Variants in SNCAIP observed in about 807,000 individuals in gnomAD.
SNCAIP encodes synuclein alpha interacting protein, also known as synphilin-1.
Under a neutral mutation model 86.7 loss-of-function variants are expected in SNCAIP, and 43 were observed. That is an observed-to-expected ratio of 0.50 (90% CI 0.39 to 0.64). The LOEUF (loss-of-function observed/expected upper bound fraction) is 0.64. Among genes scored for constraint, SNCAIP ranks in the 30% least tolerant of loss-of-function variants. SNCAIP has a pLI of 0.00. For synonymous variants in SNCAIP, 417 were observed against 427.2 expected (o/e 0.98, Z 0.29); for missense variants, 981 against 1,103.1 (o/e 0.89, Z 1.57).
chr5:122,393,741 G>A (rs1019952802), intron 2 of SNCAIP, among the ~76,000 whole-genome samples: 2 of 152,180 alleles, frequency 1.3e-5, no homozygotes, highest in Admixed American at 1.3e-4. Context: ...AGAAATCCTA[G>A]TCTATTTAAA....
At chr5:122,403,942 C>T (rs373137392) in intron 3 of SNCAIP, 77 bp downstream of exon 3, 6 of 1,023,794 alleles carry the variant, frequency 5.9e-6, no homozygotes, top group Non-Finnish European at 9.3e-6. Context: ...TTTCCTCACA[C>T]TGGTCCCCCC....
intron 1 of SNCAIP, among the ~76,000 whole-genome samples, chr5:122,358,633 C>T (rs1313624752): frequency 6.6e-6 from 1 of 152,012 alleles, no homozygotes; most frequent in Non-Finnish European, 1.5e-5. Flanking sequence ...CTTACAGTTA[C>T]CAAAGTTAGA....
At chr5:122,320,679 G>C (rs1179403746) in intron 1 of SNCAIP, among the ~76,000 whole-genome samples, 1 of 152,144 alleles carries the variant, frequency 6.6e-6, no homozygotes. Flanking sequence ...GAGTCAGGGG[G>C]ATATGCAGGC....
chr5:122,334,353 A>G (rs13355902), intron 1 of SNCAIP, among the ~76,000 whole-genome samples: 41,140 of 151,942 alleles, frequency 0.27, 6,638 homozygotes, highest in African/African-American at 0.46. Context: ...CTGAGATCTG[A>G]ACCCTGGGAA....
chr5:122,377,749 C>T (rs1230781864), intron 1 of SNCAIP, among the ~76,000 whole-genome samples: 1 of 138,722 alleles, frequency 7.2e-6, no homozygotes, highest in Non-Finnish European at 1.5e-5. Flanking sequence ...CCCATGTGAT[C>T]TCATTGTTCA....
At chr5:122,339,152 T>C (rs1757076676) in intron 1 of SNCAIP, among the ~76,000 whole-genome samples, 1 of 152,176 alleles carries the variant, frequency 6.6e-6, no homozygotes, top group Non-Finnish European at 1.5e-5. Context: ...TCTCCACAGC[T>C]TCTGACTTTC....
chr5:122,359,438 A>T (rs778923700), intron 1 of SNCAIP, among the ~76,000 whole-genome samples: 25 of 151,592 alleles, frequency 1.6e-4, no homozygotes, highest in Admixed American at 9.2e-4. Flanking sequence ...ATACCAGCTC[A>T]CTGGAACCTC....
rs967847162 is a variant in SNCAIP, at chr5:122,421,929, A to C, written c.131-939A>C. Among the ~76,000 whole-genome samples the C allele has an allele frequency of 2.0e-5, 3 of 150,204 alleles. No homozygotes were observed. The East Asian group carries it at 5.9e-4, about 30-fold the overall frequency. The stretch of plus-strand genomic sequence containing the variant: ...ACCTCCAGGTGTGTCTGGCTGTTTC[A>C]CTTTCTACTCTATCGCAACCAGACA... On this transcript the variant is annotated intron_variant, in intron 3 of 10. Transcript: ENST00000261368.
intron 6 of SNCAIP, chr5:122,436,718 CTT>C (rs1779571010): frequency 6.6e-6 from 1 of 152,124 alleles, no homozygotes; most frequent in Non-Finnish European, 1.5e-5. Flanking sequence ...ACTATAGAGA[CTT>C]TATTGATACC....
intron 1 of SNCAIP, among the ~76,000 whole-genome samples, chr5:122,360,362 C>G (rs1275134901): frequency 6.6e-6 from 1 of 152,166 alleles, no homozygotes; most frequent in Non-Finnish European, 1.5e-5. Flanking sequence ...CCTCAGCCTG[C>G]CCCAGAAACT....
chr5:122,325,121 C>A (rs4569900), intron 1 of SNCAIP, among the ~76,000 whole-genome samples: 39,572 of 151,948 alleles, frequency 0.26, 6,116 homozygotes, highest in African/African-American at 0.44. Flanking sequence ...TATCTCATTT[C>A]TTCAAGGCAA....
intron 10 of SNCAIP, among the ~76,000 whole-genome samples, chr5:122,454,907 A>C (rs1200199979): frequency 6.6e-6 from 1 of 152,240 alleles, no homozygotes; most frequent in African/African-American, 2.4e-5. Context: ...TACAAAAATC[A>C]GAGCACAAAA....
intron 1 of SNCAIP, among the ~76,000 whole-genome samples, chr5:122,358,225 C>CT (rs1491278337): frequency 7.5e-6 from 1 of 133,824 alleles, no homozygotes; most frequent in South Asian, 2.5e-4. Flanking sequence ...ATATAAAATA[C>CT]TTTAAGTTCT....
intron 2 of SNCAIP, among the ~76,000 whole-genome samples, chr5:122,399,025 T>C (rs1771219202): frequency 6.6e-6 from 1 of 152,122 alleles, no homozygotes; most frequent in Admixed American, 6.6e-5. Flanking sequence ...GGCCACAGAC[T>C]CTCTTCAGTG....
At chr5:122,332,887 A>G (rs1281042277) in intron 1 of SNCAIP, among the ~76,000 whole-genome samples, 1 of 152,226 alleles carries the variant, frequency 6.6e-6, no homozygotes, top group African/African-American at 2.4e-5. Context: ...CCAGGCTTTT[A>G]GGAAAATGCA....
At chr5:122,462,840 G>A (rs1786734402) in intron 10 of SNCAIP, among the ~76,000 whole-genome samples, 1 of 152,198 alleles carries the variant, frequency 6.6e-6, no homozygotes, top group African/African-American at 2.4e-5. Flanking sequence ...CAGAATGGGA[G>A]TAATACCTCA....
intron 1 of SNCAIP, among the ~76,000 whole-genome samples, chr5:122,324,744 G>T (rs1377263422): frequency 6.6e-6 from 1 of 152,208 alleles, no homozygotes; most frequent in African/African-American, 2.4e-5. Context: ...GTAGTAATTG[G>T]TGATGGAATT....
At chr5:122,406,833 T>C (rs1472173851) in intron 3 of SNCAIP, among the ~76,000 whole-genome samples, 1 of 152,190 alleles carries the variant, frequency 6.6e-6, no homozygotes, top group Non-Finnish European at 1.5e-5. Flanking sequence ...CAATCTCGGG[T>C]ATTTCTTTAT....
intron 1 of SNCAIP, among the ~76,000 whole-genome samples, chr5:122,337,056 A>G (rs1756623187): frequency 1.3e-5 from 2 of 152,186 alleles, no homozygotes; most frequent in South Asian, 4.1e-4. Flanking sequence ...AATGATGCAA[A>G]ATGTGGCAGG....
Sources: allele counts gnomAD v4.1 joint callset (sites outside exome capture counted in the v4.1 genomes callset), GRCh38; gene constraint gnomAD v4.1.1; transcripts MANE v1.5; gene names NCBI Gene and HGNC (gene_info 2026-07-23, HGNC 2026-07-21).